The following KCNMB2 variants were observed in gnomAD, a reference collection of about 807,000 sequenced individuals.
KCNMB2 encodes the protein potassium calcium-activated channel subfamily M regulatory beta subunit 2.
In KCNMB2, 9 loss-of-function variants were observed where a neutral mutation model predicts 24.5. The ratio of observed to expected loss-of-function variants is 0.37; its 90% CI spans 0.22 to 0.64. The LOEUF (loss-of-function observed/expected upper bound fraction) is 0.64. Among genes scored for constraint, KCNMB2 ranks in the 30% least tolerant of loss-of-function variants. The pLI, the probability that KCNMB2 is intolerant of heterozygous loss-of-function variation, is 0.63. For missense variants in KCNMB2, 226 were observed against 284.3 expected, an observed-to-expected ratio of 0.79 and a Z score of 1.47; for synonymous variants, 109 against 104.4, an observed-to-expected ratio of 1.04 and a Z score of -0.27.
chr3:178,649,948 T>C (rs538279564), intron 1 of KCNMB2, among the ~76,000 whole-genome samples: 84 of 152,312 alleles, frequency 5.5e-4, no homozygotes, highest in African/African-American at 1.9e-3. Context: ...GTATTGATCT[T>C]AGATCTTTCC....
At chr3:178,763,829 C>T (rs185381518) in intron 1 of KCNMB2, among the ~76,000 whole-genome samples, 1 of 152,212 alleles carries the variant, frequency 6.6e-6, no homozygotes, top group Admixed American at 6.5e-5. Context: ...TTACTGGTGG[C>T]ATGCCTTGGA....
chr3:178,683,619 C>T (rs1198498824), intron 1 of KCNMB2, among the ~76,000 whole-genome samples: 1 of 152,208 alleles, frequency 6.6e-6, no homozygotes, highest in Non-Finnish European at 1.5e-5. Context: ...TCAGTTCACA[C>T]TAGCTACATC....
intron 1 of KCNMB2, among the ~76,000 whole-genome samples, chr3:178,577,131 G>T (rs538413141): frequency 6.6e-6 from 1 of 152,282 alleles, no homozygotes; most frequent in East Asian, 1.9e-4. Flanking sequence ...GCTGGCATCT[G>T]GTGGGTGCCT....
intron 2 of KCNMB2, among the ~76,000 whole-genome samples, chr3:178,814,692 T>C (rs1285111429): frequency 2.0e-5 from 3 of 152,218 alleles, no homozygotes; most frequent in Admixed American, 6.5e-5. Flanking sequence ...CTCATTGTGG[T>C]CTTAATTTGC....
chr3:178,542,280 G>C (rs539725809), intron 1 of KCNMB2, among the ~76,000 whole-genome samples: 1 of 152,206 alleles, frequency 6.6e-6, no homozygotes, highest in Non-Finnish European at 1.5e-5. Flanking sequence ...CTGAGCCTCA[G>C]TTTCTTCAGT....
chr3:178,542,054 G>A (rs1229804724), intron 1 of KCNMB2, among the ~76,000 whole-genome samples: 3 of 152,130 alleles, frequency 2.0e-5, no homozygotes, highest in Admixed American at 2.0e-4. Flanking sequence ...CAGCAGCAGG[G>A]GCCACGTGTG....
intron 1 of KCNMB2, among the ~76,000 whole-genome samples, chr3:178,544,676 T>A (rs979690529): frequency 6.6e-6 from 1 of 152,200 alleles, no homozygotes; most frequent in African/African-American, 2.4e-5. Context: ...TTCCTTGTCA[T>A]CTTGGTGTTT....
chr3:178,552,014 C>G (rs576624058), intron 1 of KCNMB2, among the ~76,000 whole-genome samples: 1 of 152,166 alleles, frequency 6.6e-6, no homozygotes, highest in Non-Finnish European at 1.5e-5. Flanking sequence ...AGAGCTGCCA[C>G]ACCCAGAGCT....
chr3:178,573,552 C>T (rs980696016), intron 1 of KCNMB2, among the ~76,000 whole-genome samples: 1 of 143,530 alleles, frequency 7.0e-6, no homozygotes, highest in Admixed American at 7.1e-5. Flanking sequence ...CCAGCCTGGA[C>T]AATGTGGGGA....
intron 1 of KCNMB2, among the ~76,000 whole-genome samples, chr3:178,706,373 T>C (rs1182041287): frequency 3.9e-5 from 6 of 152,152 alleles, no homozygotes; most frequent in Non-Finnish European, 7.4e-5. Flanking sequence ...TTTGCAATTA[T>C]ATGCCCTTGA....
intron 1 of KCNMB2, among the ~76,000 whole-genome samples, chr3:178,557,303 A>C (rs543488923): frequency 4.0e-4 from 61 of 152,176 alleles, no homozygotes; most frequent in Non-Finnish European, 7.5e-4. Context: ...GGGATGACAA[A>C]GGCTCTCTTT....
intron 1 of KCNMB2, among the ~76,000 whole-genome samples, chr3:178,717,688 C>T (rs1246083278): frequency 6.6e-6 from 1 of 152,106 alleles, no homozygotes; most frequent in African/African-American, 2.4e-5. Flanking sequence ...CTTACAAAGT[C>T]AACATTATCA....
chr3:178,681,108 A>G (rs1384528174), intron 1 of KCNMB2, among the ~76,000 whole-genome samples: 1 of 152,184 alleles, frequency 6.6e-6, no homozygotes, highest in Non-Finnish European at 1.5e-5. Context: ...AAAAATTTTA[A>G]CAGATATACA....
chr3:178,653,016 G>T (rs1720188904), intron 1 of KCNMB2, among the ~76,000 whole-genome samples: 1 of 151,838 alleles, frequency 6.6e-6, no homozygotes, highest in Non-Finnish European at 1.5e-5. Context: ...ATTTTTGCTG[G>T]TATTTTAATT....
intron 1 of KCNMB2, among the ~76,000 whole-genome samples, chr3:178,804,714 T>C (rs1035012366): frequency 5.3e-5 from 8 of 152,220 alleles, no homozygotes; most frequent in Non-Finnish European, 1.0e-4. Flanking sequence ...ATTTGTATGA[T>C]GTGTCTATTA....
chr3:178,622,517 C>A (rs1424862854), intron 1 of KCNMB2, among the ~76,000 whole-genome samples: 1 of 152,138 alleles, frequency 6.6e-6, no homozygotes, highest in East Asian at 1.9e-4. Flanking sequence ...AATGGTAAAG[C>A]CAAAGGAAGA....
chr3:178,703,281 A>G (rs1022575875), intron 1 of KCNMB2, among the ~76,000 whole-genome samples: 1 of 152,188 alleles, frequency 6.6e-6, no homozygotes, highest in Non-Finnish European at 1.5e-5. Flanking sequence ...AAAGGGGTTG[A>G]GTGGAGGGCC....
At chr3:178,614,301 GTATATATA>G (rs1294967816) in intron 1 of KCNMB2, among the ~76,000 whole-genome samples, 1 of 57,986 alleles carries the variant, frequency 1.7e-5, no homozygotes, top group Non-Finnish European at 3.7e-5. Context: ...ATATATGTAT[GTATATATA>G]TGTATGTGTA....
chr3:178,633,127 C>G (rs1298137237), intron 1 of KCNMB2, among the ~76,000 whole-genome samples: 3 of 152,214 alleles, frequency 2.0e-5, no homozygotes, highest in African/African-American at 7.2e-5. Context: ...GCCCCCCCGC[C>G]AGCTCCTTTC....
Sources: gnomAD v4.1 joint callset for allele counts (sites outside exome capture counted in the v4.1 genomes callset) on GRCh38, gnomAD v4.1.1 for gene constraint, MANE v1.5 for transcripts, NCBI Gene and HGNC (gene_info 2026-07-23, HGNC 2026-07-21) for gene names.